The following KDM4C variants were observed in gnomAD, a reference collection of about 807,000 sequenced individuals.
The protein encoded by KDM4C is lysine demethylase 4C.
Under a neutral mutation model 129.3 loss-of-function variants are expected in KDM4C, and 81 were observed. The observed-to-expected ratio is 0.63, with a 90% confidence interval of 0.52 to 0.75. The LOEUF (loss-of-function observed/expected upper bound fraction) is 0.75, where lower values mean the gene tolerates loss of function less well. Among genes scored for constraint, KDM4C ranks in the 30% least tolerant of loss-of-function variants. KDM4C has a pLI of 0.00. For missense variants in KDM4C, 1,457 were observed against 1,304.0 expected, an observed-to-expected ratio of 1.12 and a Z score of -1.81; for synonymous variants, 573 against 456.1, an observed-to-expected ratio of 1.26 and a Z score of -3.26.
At chr9:7,164,626 G>T (rs1406767174) in intron 19 of KDM4C, among the ~76,000 whole-genome samples, 1 of 152,142 alleles carries the variant, frequency 6.6e-6, no homozygotes, top group Non-Finnish European at 1.5e-5. Context: ...AGGTGCTCCT[G>T]TTTTCCCTTC....
intron 12 of KDM4C, among the ~76,000 whole-genome samples, chr9:7,004,004 C>A (rs1468085377): frequency 6.6e-6 from 1 of 152,126 alleles, no homozygotes; most frequent in Non-Finnish European, 1.5e-5. Context: ...GTAACAGATG[C>A]TGCTGTGCTT....
intron 18 of KDM4C, among the ~76,000 whole-genome samples, chr9:7,123,971 C>T (rs1839773578): frequency 6.6e-6 from 1 of 152,182 alleles, no homozygotes; most frequent in South Asian, 2.1e-4. Flanking sequence ...CTCACCTGAG[C>T]TGAAGGTCTC....
At chr9:7,159,758 T>A (rs1419189766) in intron 19 of KDM4C, among the ~76,000 whole-genome samples, 1 of 152,222 alleles carries the variant, frequency 6.6e-6, no homozygotes, top group East Asian at 1.9e-4. Flanking sequence ...TTGGCTGCCC[T>A]TAACACTTTT....
chr9:6,934,508 A>G (rs892166924), intron 8 of KDM4C, among the ~76,000 whole-genome samples: 1 of 139,178 alleles, frequency 7.2e-6, no homozygotes, highest in Non-Finnish European at 1.6e-5. Flanking sequence ...AATTTTATCT[A>G]AAATTAAATA....
chr9:7,052,153 T>C (rs566826945), intron 17 of KDM4C, among the ~76,000 whole-genome samples: 2 of 152,358 alleles, frequency 1.3e-5, no homozygotes, highest in South Asian at 2.1e-4. Flanking sequence ...CCTGGATTTT[T>C]TTCTTTTTTC....
At chr9:6,865,255 G>A (rs1023389335) in intron 5 of KDM4C, among the ~76,000 whole-genome samples, 8 of 152,166 alleles carry the variant, frequency 5.3e-5, no homozygotes, top group African/African-American at 1.4e-4. Flanking sequence ...TGATCCGACC[G>A]CCTTGGCCTC....
intron 15 of KDM4C, 111 bp from the exon 16 acceptor site, chr9:7,046,751 T>C (rs761578143): frequency 2.5e-6 from 2 of 811,296 alleles, no homozygotes; most frequent in Non-Finnish European, 2.1e-6. Context: ...TAATTCCTGA[T>C]GGTTTTAATT....
At chr9:7,149,622 G>A (rs1842546430) in intron 19 of KDM4C, among the ~76,000 whole-genome samples, 1 of 152,262 alleles carries the variant, frequency 6.6e-6, no homozygotes, top group African/African-American at 2.4e-5. Context: ...AATGAATACT[G>A]GAATTTGTGT....
At chr9:7,138,688 G>C (rs1335597623) in intron 19 of KDM4C, among the ~76,000 whole-genome samples, 1 of 151,642 alleles carries the variant, frequency 6.6e-6, no homozygotes, top group Non-Finnish European at 1.5e-5. Context: ...GCATGGTGAC[G>C]TGTACCTGTA....
intron 18 of KDM4C, among the ~76,000 whole-genome samples, chr9:7,113,550 C>A (rs1007637381): frequency 2.0e-5 from 3 of 152,166 alleles, no homozygotes; most frequent in African/African-American, 7.2e-5. Flanking sequence ...ATGCTTCTCT[C>A]CCTGTGCTTT....
chr9:6,949,050 A>ATG (rs1186309114), intron 8 of KDM4C, among the ~76,000 whole-genome samples: 1 of 151,678 alleles, frequency 6.6e-6, no homozygotes, highest in African/African-American at 2.4e-5. Flanking sequence ...CACTTCCCAG[A>ATG]AGGGGCGGCT....
At chr9:7,115,394 C>G (rs551036516) in intron 18 of KDM4C, among the ~76,000 whole-genome samples, 4 of 152,130 alleles carry the variant, frequency 2.6e-5, no homozygotes, top group African/African-American at 7.2e-5. Flanking sequence ...AGTAGTGACA[C>G]TAATCTCATA....
intron 19 of KDM4C, among the ~76,000 whole-genome samples, chr9:7,143,273 C>T (rs1033430917): frequency 3.9e-5 from 6 of 152,168 alleles, no homozygotes; most frequent in African/African-American, 1.4e-4. Context: ...GCTAACTAAC[C>T]TTGTTACTTT....
chr9:7,068,437 G>C lies in KDM4C; in HGVS notation c.2424+19237G>C, dbSNP rs377293475. On this transcript the variant is annotated intron_variant, in intron 17 of 21. Transcript: ENST00000381309. ...AGTGCCAACGGTTTCTCAGGTGTAT[G>C]ATTTGCTGCAAAGTATGAAAATATG... 7.8e-4 allele frequency among the ~76,000 whole-genome samples: 118 copies of C among 152,222 alleles called. 1 individual carries two copies. Among genetic ancestry groups the C allele is most frequent in the Middle Eastern group, 6.8e-3 (2 of 294 alleles).
At chr9:7,045,833 C>T (rs770806689) in intron 15 of KDM4C, among the ~76,000 whole-genome samples, 4 of 151,992 alleles carry the variant, frequency 2.6e-5, no homozygotes, top group Non-Finnish European at 4.4e-5. Context: ...GTTTTGGTAT[C>T]GTTTTCCTCA....
chr9:7,072,676 T>C (rs1833368359), intron 17 of KDM4C, among the ~76,000 whole-genome samples: 1 of 152,220 alleles, frequency 6.6e-6, no homozygotes, highest in Non-Finnish European at 1.5e-5. Flanking sequence ...CACTGTGGTG[T>C]ATCTTGATTG....
chr9:7,053,943 C>G (rs2132610898), intron 17 of KDM4C, among the ~76,000 whole-genome samples: 1 of 152,320 alleles, frequency 6.6e-6, no homozygotes. Flanking sequence ...GAACCAGTTT[C>G]CCTGTCAGCT....
intron 20 of KDM4C, among the ~76,000 whole-genome samples, chr9:7,166,557 T>C (rs1158758625): frequency 6.6e-5 from 10 of 152,290 alleles, no homozygotes; most frequent in African/African-American, 2.4e-4. Context: ...GTAAAGGTAC[T>C]GGAGCTTCAT....
At chr9:7,028,819 G>T (rs1270020633) in intron 15 of KDM4C, among the ~76,000 whole-genome samples, 1 of 152,160 alleles carries the variant, frequency 6.6e-6, no homozygotes, top group Non-Finnish European at 1.5e-5. Flanking sequence ...AGCTCAGCCA[G>T]GTTTGCTTTC....
Sources: allele counts gnomAD v4.1 joint callset (sites outside exome capture counted in the v4.1 genomes callset), GRCh38; gene constraint gnomAD v4.1.1; transcripts MANE v1.5; gene names NCBI Gene and HGNC (gene_info 2026-07-23, HGNC 2026-07-21).